GSE1: variants seen among roughly 807,000 people sequenced by gnomAD.
GSE1 encodes genetic suppressor element 1.
A neutral mutation model predicts 112.6 loss-of-function variants in GSE1; 32 were observed. That is an observed-to-expected ratio of 0.28 (90% CI 0.21 to 0.38). The LOEUF (loss-of-function observed/expected upper bound fraction) is 0.38. Ranked by LOEUF, GSE1 falls within the 10% of genes least tolerant of loss-of-function variation. The pLI is 1.00. For missense variants in GSE1, 2,348 were observed against 1,699.2 expected, an observed-to-expected ratio of 1.38 and a Z score of -6.71; for synonymous variants, 1,115 against 735.6, an observed-to-expected ratio of 1.52 and a Z score of -8.35.
chr16:85,206,194 G>T (rs574713062), intron 1 of GSE1, among the ~76,000 whole-genome samples: 1 of 152,068 alleles, frequency 6.6e-6, no homozygotes. Flanking sequence ...ACCCAGATGG[G>T]GGGGGCGCAT....
intron 1 of GSE1, among the ~76,000 whole-genome samples, chr16:85,333,995 G>A (rs914471209): frequency 1.3e-5 from 2 of 152,280 alleles, no homozygotes; most frequent in Admixed American, 6.5e-5. Flanking sequence ...AAATGTCCCC[G>A]TCAGCCTCGG....
chr16:85,288,547 C>T (rs1382999127), intron 1 of GSE1, among the ~76,000 whole-genome samples: 2 of 152,214 alleles, frequency 1.3e-5, no homozygotes, highest in Non-Finnish European at 2.9e-5. Flanking sequence ...GTGCCATGCC[C>T]AGCTGGGGTC....
chr16:85,556,764 A>G (rs1490863199), intron 1 of GSE1, among the ~76,000 whole-genome samples: 316 of 21,960 alleles, frequency 0.014, 2 homozygotes, highest in African/African-American at 0.047. Flanking sequence ...CCCCCCCCCC[A>G]GTCCTGGGGT....
intron 1 of GSE1, among the ~76,000 whole-genome samples, chr16:85,350,441 G>T (rs373156834): frequency 3.3e-5 from 5 of 152,134 alleles, no homozygotes; most frequent in East Asian, 1.9e-4. Flanking sequence ...TGACTTCAGG[G>T]ACCCTAGACT....
chr16:85,661,050 A>G (rs1381772552), intron 8 of GSE1, 96 bp from the exon 9 acceptor site: 24 of 1,207,440 alleles, frequency 2.0e-5, no homozygotes, highest in Non-Finnish European at 2.8e-5. Context: ...GGGCTGCGCC[A>G]TCTGTGTCAT....
chr16:85,671,263 AC>A (rs1209756028), intron 15 of GSE1, among the ~76,000 whole-genome samples, 165 bp downstream of exon 15: 39 of 151,612 alleles, frequency 2.6e-4, no homozygotes, highest in Non-Finnish European at 2.9e-5. Flanking sequence ...AAACGGTGAA[AC>A]CCTGTCTCTA....
intron 2 of GSE1, among the ~76,000 whole-genome samples, chr16:85,519,566 A>ACCT: frequency 2.7e-5 from 1 of 37,574 alleles, no homozygotes; most frequent in East Asian, 4.1e-4. Context: ...CACTATCATC[A>ACCT]TCACCATCAC....
intron 2 of GSE1, among the ~76,000 whole-genome samples, chr16:85,474,025 G>A (rs2050376430): frequency 6.6e-6 from 1 of 152,142 alleles, no homozygotes; most frequent in Non-Finnish European, 1.5e-5. Context: ...GGCAGGGTGT[G>A]ACATAGGGAG....
chr16:85,450,216 G>C (rs2049636622), intron 2 of GSE1, among the ~76,000 whole-genome samples: 1 of 132,948 alleles, frequency 7.5e-6, no homozygotes, highest in African/African-American at 2.9e-5. Flanking sequence ...CCACCTCCCG[G>C]GTTCAAGCAG....
intron 2 of GSE1, among the ~76,000 whole-genome samples, chr16:85,444,888 C>G (rs2151789506): frequency 6.6e-6 from 1 of 152,306 alleles, no homozygotes; most frequent in African/African-American, 2.4e-5. Context: ...CTGGGGTGTC[C>G]CGCCCATGCC....
At chr16:85,219,741 C>T (rs2075360603) in intron 1 of GSE1, among the ~76,000 whole-genome samples, 1 of 152,218 alleles carries the variant, frequency 6.6e-6, no homozygotes, top group Admixed American at 6.5e-5. Context: ...GTATTTGGAG[C>T]CCCTCCTTCC....
chr16:85,519,284 CCACCACCA>C (rs1199710737), intron 2 of GSE1, among the ~76,000 whole-genome samples: 6 of 113,180 alleles, frequency 5.3e-5, no homozygotes, highest in Non-Finnish European at 1.1e-4. Context: ...ATCACCATCA[CCACCACCA>C]TCACCGGTCT....
chr16:85,322,986 C>T (rs543452415), intron 1 of GSE1, among the ~76,000 whole-genome samples: 11 of 152,266 alleles, frequency 7.2e-5, no homozygotes, highest in Middle Eastern at 3.4e-3. Context: ...AGTGACCCTG[C>T]GGGGACTAGA....
upstream of GSE1, among the ~76,000 whole-genome samples, chr16:85,609,450 T>A (rs2047865419): frequency 6.6e-6 from 1 of 152,226 alleles, no homozygotes. Flanking sequence ...ATTTTCAGTT[T>A]TGTTTCTGGA....
chr16:85,545,125 G>A lies in GSE1; in HGVS notation c.2465-88789G>A, dbSNP rs138312459. Among the ~76,000 whole-genome samples the A allele has an allele frequency of 2.8e-3, 434 of 152,350 alleles. 2 individuals are homozygous for A. Among genetic ancestry groups the A allele is most frequent in the African/African-American group, 9.7e-3 (403 of 41,582 alleles). On this transcript the variant is annotated intron_variant, in intron 2 of 2. Transcript: ENST00000637419. ...AATGGACTCCCTCCAAAAGTGGCCC[G>A]TCTGCGTCCCAGGAGGCGTTCCGAG... is the stretch of plus-strand genomic sequence containing the variant.
chr16:85,195,270 C>T (rs1232574163), intron 1 of GSE1, among the ~76,000 whole-genome samples: 4 of 152,142 alleles, frequency 2.6e-5, no homozygotes, highest in South Asian at 2.1e-4. Context: ...GGGTGAACGA[C>T]GCTGTAACAA....
At chr16:85,661,812 T>A (rs751600303) in intron 9 of GSE1, 47 bp downstream of exon 9, 1 of 1,438,966 alleles carries the variant, frequency 6.9e-7, no homozygotes, top group South Asian at 1.4e-5. Flanking sequence ...AGCCGCACAG[T>A]GGGGATGGGG....
At chr16:85,623,721 G>A (rs987098194) in intron 1 of GSE1, among the ~76,000 whole-genome samples, 1 of 152,160 alleles carries the variant, frequency 6.6e-6, no homozygotes, top group African/African-American at 2.4e-5. Flanking sequence ...GGGAAGGGAC[G>A]TTTTCCAGTC....
chr16:85,227,522 A>C (rs2075509775), intron 1 of GSE1, among the ~76,000 whole-genome samples: 1 of 152,266 alleles, frequency 6.6e-6, no homozygotes, highest in South Asian at 2.1e-4. Flanking sequence ...CAGCACAGGC[A>C]GGGCCCAGGA....
Sources: allele counts gnomAD v4.1 joint callset (sites outside exome capture counted in the v4.1 genomes callset), GRCh38; gene constraint gnomAD v4.1.1; transcripts MANE v1.5; gene names NCBI Gene and HGNC (gene_info 2026-07-23, HGNC 2026-07-21).